Variants in DNAJC1 observed in about 807,000 individuals in gnomAD.
The protein encoded by DNAJC1 is DnaJ heat shock protein family (Hsp40) member C1, also known as dnaJ homolog subfamily C member 1.
A neutral mutation model predicts 76.6 loss-of-function variants in DNAJC1; 58 were observed. That is an observed-to-expected ratio of 0.76 (90% CI 0.61 to 0.94). The LOEUF is 0.94. Ranked by LOEUF, DNAJC1 falls within the 40% of genes least tolerant of loss-of-function variation. DNAJC1 has a pLI of 0.00. For synonymous variants in DNAJC1, 258 were observed against 267.9 expected (o/e 0.96, Z 0.36); for missense variants, 689 against 677.3 (o/e 1.02, Z -0.19).
At chr10:21,911,453 T>A (rs563918571) in intron 6 of DNAJC1, among the ~76,000 whole-genome samples, 3 of 152,292 alleles carry the variant, frequency 2.0e-5, no homozygotes, top group African/African-American at 7.2e-5. Context: ...TGTAAAATTG[T>A]ACATTTTGAT....
chr10:21,821,167 G>A (rs960709846), intron 8 of DNAJC1, among the ~76,000 whole-genome samples: 2 of 152,092 alleles, frequency 1.3e-5, no homozygotes, highest in African/African-American at 4.8e-5. Flanking sequence ...ACGGTCTTAT[G>A]ACCCACTATC....
rs551149870 is a variant in DNAJC1 at position 21,802,397 on chromosome 10, C to G, written c.1098+3583G>C. 2.6e-5 allele frequency among the ~76,000 whole-genome samples: 4 copies of G among 152,266 alleles called. No homozygotes were observed. The South Asian group carries it at 8.3e-4, about 32-fold the overall frequency. The stretch of plus-strand genomic sequence containing the variant: ...ACCATAATGCTTATTTTCCATGGAA[C>G]AGTCCACTTACGTGTTTTTGAAACC... On this transcript the variant is annotated intron_variant, in intron 9 of 11. Transcript: ENST00000376980.
intron 7 of DNAJC1, among the ~76,000 whole-genome samples, chr10:21,883,295 C>CA (rs1554893891): frequency 6.7e-6 from 1 of 149,848 alleles, no homozygotes; most frequent in Non-Finnish European, 1.5e-5. Flanking sequence ...CACACACACA[C>CA]CATTTTAACT....
chr10:21,926,200 C>T (rs1008993862), intron 3 of DNAJC1, among the ~76,000 whole-genome samples: 5 of 151,946 alleles, frequency 3.3e-5, no homozygotes, highest in Admixed American at 6.6e-5. Flanking sequence ...GATCTGCCCT[C>T]CTCAGCCTCC....
intron 3 of DNAJC1, among the ~76,000 whole-genome samples, chr10:21,922,100 T>C (rs1837051927): frequency 6.6e-6 from 1 of 152,052 alleles, no homozygotes. Context: ...GGCAGGTCAG[T>C]AGAACTCGGT....
intron 8 of DNAJC1, among the ~76,000 whole-genome samples, chr10:21,868,097 A>AAACAAAAAG (rs1836038550): frequency 2.0e-5 from 3 of 149,466 alleles, no homozygotes; most frequent in Admixed American, 2.0e-4. Context: ...AAACAAAAAA[A>AAACAAAAAG]AAAACAACAA....
At chr10:21,944,259 A>T (rs2131800253) in intron 1 of DNAJC1, among the ~76,000 whole-genome samples, 1 of 152,232 alleles carries the variant, frequency 6.6e-6, no homozygotes, top group South Asian at 2.1e-4. Flanking sequence ...ATAAAAGTGC[A>T]AACCAGTAAA....
intron 8 of DNAJC1, among the ~76,000 whole-genome samples, chr10:21,837,220 T>C (rs375583915): frequency 1.3e-5 from 2 of 152,246 alleles, no homozygotes; most frequent in African/African-American, 2.4e-5. Context: ...GTGCTCAATG[T>C]TGCCCAGGCT....
At position 21,845,515 on chromosome 10, in the gene DNAJC1, C is replaced by T. The variant is rs372034554; in HGVS notation, c.978+36767G>A. ...GACTATAGGTGTGTGCCACCATGCCCGGCTAATGTTTGTATTTTTAATAGA... is the reference window on the plus strand; with the variant it reads ...GACTATAGGTGTGTGCCACCATGCCTGGCTAATGTTTGTATTTTTAATAGA... On this transcript the variant is annotated intron_variant, in intron 8 of 11. Coordinates refer to ENST00000376980, the MANE Select transcript of DNAJC1 (RefSeq NM_022365.4). 2.9e-4 allele frequency among the ~76,000 whole-genome samples: 44 copies of T among 151,914 alleles called. 3 individuals are homozygous for T. Among genetic ancestry groups the T allele is most frequent in the African/African-American group, 9.9e-4 (41 of 41,444 alleles).
At chr10:21,931,592 G>C (rs1041479066) in intron 1 of DNAJC1, among the ~76,000 whole-genome samples, 5 of 152,168 alleles carry the variant, frequency 3.3e-5, no homozygotes, top group Non-Finnish European at 5.9e-5. Context: ...TTCCCAATGA[G>C]ACAGTTTTGG....
At chr10:21,790,488 A>C (rs1224001448) in intron 9 of DNAJC1, among the ~76,000 whole-genome samples, 1 of 146,074 alleles carries the variant, frequency 6.8e-6, no homozygotes, top group Non-Finnish European at 1.5e-5. Context: ...CAAAAGAATG[A>C]AACAATGTAT....
chr10:21,977,936 G>C (rs1838092008), intron 1 of DNAJC1, among the ~76,000 whole-genome samples: 1 of 151,962 alleles, frequency 6.6e-6, no homozygotes, highest in Non-Finnish European at 1.5e-5. Context: ...CTATGCCCAA[G>C]ATATTTTTCT....
intron 1 of DNAJC1, among the ~76,000 whole-genome samples, chr10:21,938,419 AC>A (rs1424644756): frequency 6.6e-6 from 1 of 151,700 alleles, no homozygotes; most frequent in East Asian, 1.9e-4. Context: ...AAGTTTTGCT[AC>A]GTAATAGCAC....
intron 9 of DNAJC1, among the ~76,000 whole-genome samples, chr10:21,804,335 T>C (rs1259684376): frequency 6.6e-6 from 1 of 152,112 alleles, no homozygotes; most frequent in Non-Finnish European, 1.5e-5. Context: ...TTATTTTTCA[T>C]TAAGCAATTG....
intron 8 of DNAJC1, among the ~76,000 whole-genome samples, chr10:21,834,070 C>T (rs1276934714): frequency 2.6e-5 from 4 of 152,064 alleles, no homozygotes; most frequent in African/African-American, 9.7e-5. Context: ...CGAGACCATC[C>T]TGGGTAACAC....
chr10:21,992,552 C>A (rs555384567), intron 1 of DNAJC1, among the ~76,000 whole-genome samples: 1,705 of 136,778 alleles, frequency 0.012, 18 homozygotes, highest in Non-Finnish European at 0.02. Flanking sequence ...GACTCCATTT[C>A]AAAAAAAAAA....
intron 1 of DNAJC1, among the ~76,000 whole-genome samples, chr10:21,974,061 CACTGT>C (rs1838025287): frequency 6.8e-6 from 1 of 148,144 alleles, no homozygotes; most frequent in Non-Finnish European, 1.5e-5. Context: ...GAGATCACGC[CACTGT>C]ACTCCAGCCT....
intron 8 of DNAJC1, among the ~76,000 whole-genome samples, chr10:21,842,187 T>C (rs1252315168): frequency 1.3e-5 from 2 of 151,584 alleles, no homozygotes. Context: ...ACATGGCACA[T>C]GTATACATAT....
intron 6 of DNAJC1, among the ~76,000 whole-genome samples, chr10:21,908,619 T>C (rs944660588): frequency 1.3e-5 from 2 of 152,010 alleles, no homozygotes; most frequent in Non-Finnish European, 2.9e-5. Context: ...TTCCTGGGGA[T>C]ATAAACTTCT....
Sources: allele counts gnomAD v4.1 joint callset (sites outside exome capture counted in the v4.1 genomes callset), GRCh38; gene constraint gnomAD v4.1.1; transcripts MANE v1.5; gene names NCBI Gene and HGNC (gene_info 2026-07-23, HGNC 2026-07-21).